Variants in COL4A3 observed in about 807,000 individuals in gnomAD.
COL4A3 encodes the protein collagen type IV alpha 3 chain.
Under a neutral mutation model 217.4 loss-of-function variants are expected in COL4A3, and 135 were observed. The ratio of observed to expected loss-of-function variants is 0.62; its 90% CI spans 0.54 to 0.72. The LOEUF (loss-of-function observed/expected upper bound fraction) is 0.72. Among genes scored for constraint, COL4A3 ranks in the 30% least tolerant of loss-of-function variants. The pLI is 0.00. For missense variants in COL4A3, 1,868 were observed against 2,119.9 expected (o/e 0.88, Z 2.33); for synonymous variants, 690 against 736.3 (o/e 0.94, Z 1.02).
intron 1 of COL4A3, among the ~76,000 whole-genome samples, chr2:227,232,369 T>C (rs140093849): frequency 6.6e-6 from 1 of 152,362 alleles, no homozygotes; most frequent in East Asian, 1.9e-4. Context: ...CTGATTTCCT[T>C]TCTTTTGAAT....
chr2:227,236,632 C>A (rs1434381237), intron 1 of COL4A3, among the ~76,000 whole-genome samples: 1 of 151,794 alleles, frequency 6.6e-6, no homozygotes, highest in Admixed American at 6.6e-5. Flanking sequence ...AATATGTAAC[C>A]ATATAATATG....
rs1304773530 is a variant in COL4A3, at chr2:227,195,685, GTGTGTGTGTGTA to G, written c.87+30887_87+30898del. 5.4e-3 allele frequency among the ~76,000 whole-genome samples: 817 copies of G among 151,030 alleles called. 7 individuals are homozygous for G. Among genetic ancestry groups the G allele is most frequent in the African/African-American group, 0.019 (760 of 40,940 alleles). On this transcript the variant is annotated intron_variant, in intron 1 of 51. Coordinates refer to ENST00000396578, the MANE Select transcript of COL4A3 (RefSeq NM_000091.5). ...TATATATATGTGTGTGTGTGTGTGT[GTGTGTGTGTGTA>G]TGTGTGTGTGTATGCTGTAGAACAG...
At chr2:227,259,996 T>C in intron 19 of COL4A3, 119 bp downstream of exon 19, 3 of 799,394 alleles carry the variant, frequency 3.8e-6, no homozygotes, top group East Asian at 4.9e-5. Context: ...AGAGATCTCT[T>C]CATTTTCATA....
In COL4A3 at chr2:227,298,568, A is replaced by G. The variant is rs960211883; in HGVS notation, c.3752-114A>G. 6 of 1,439,376 alleles carry G rather than the reference A, an allele frequency of 4.2e-6. No individual in the cohort carries two copies. The African/African-American group carries it at 7.0e-5, about 17-fold the overall frequency. 89.2% of individuals were successfully genotyped at this position (1,439,376 alleles called of 1,614,324 possible). A position where few individuals can be genotyped will look rare whatever the true frequency, so the allele number is the denominator to read the frequency against. On this transcript the variant is annotated intron_variant, in intron 42 of 51. Coordinates refer to ENST00000396578, the MANE Select transcript of COL4A3 (RefSeq NM_000091.5). Reference sequence around the variant, plus strand: ...CCCATCACATGCTCCAGGGGAAAGAATGTTTGTGGCAATGCTAAGTGAAGG... The same window carrying G: ...CCCATCACATGCTCCAGGGGAAAGAGTGTTTGTGGCAATGCTAAGTGAAGG...
intron 17 of COL4A3, among the ~76,000 whole-genome samples, chr2:227,256,722 C>T (rs997147168): frequency 6.6e-6 from 1 of 152,198 alleles, no homozygotes; most frequent in African/African-American, 2.4e-5. Flanking sequence ...CAAGCATAGG[C>T]TAGAGTTCAT....
At chr2:227,222,170 ATGAT>A (rs1559840012) in intron 1 of COL4A3, among the ~76,000 whole-genome samples, 2,433 of 68,442 alleles carry the variant, frequency 0.036, 32 homozygotes, top group Non-Finnish European at 0.044. Context: ...AATAATGATA[ATGAT>A]AATAAAAAGC....
In COL4A3 at chr2:227,253,306, G is replaced by T. The variant is rs2069900248; in HGVS notation, c.656G>T (p.Gly219Val). ...MGPRGPKGHM[G>V]ERVIGHKGER... is the part of the protein sequence containing the mutation. The stretch of plus-strand genomic sequence containing the variant: ...TGTGTTTTCTTACAGGGTCACATGG[G>T]TGAAAGAGTGATAGGACATAAAGGA... The change falls in exon 12 of 52, where the codon GGT (glycine) becomes GTT (valine). Residue 219 changes from glycine to valine, a missense_variant. Coordinates refer to ENST00000396578, the MANE Select transcript of COL4A3 (RefSeq NM_000091.5). The surrounding 1 kb of genome is among the most constrained non-coding windows in gnomAD (Gnocchi z 4.4). The T allele has an allele frequency of 2.5e-6, 4 of 1,613,622 alleles. No individual in the cohort carries two copies. The highest frequency in any genetic ancestry group is 2.5e-6 in the Non-Finnish European group (3 of 1,179,656).
intron 1 of COL4A3, among the ~76,000 whole-genome samples, chr2:227,225,000 C>T (rs1033768795): frequency 6.6e-6 from 1 of 152,206 alleles, no homozygotes; most frequent in African/African-American, 2.4e-5. Context: ...TGGCCTCAAC[C>T]TCCTGGGCTC....
intron 1 of COL4A3, among the ~76,000 whole-genome samples, chr2:227,175,236 C>A (rs1641761465): frequency 1.3e-5 from 2 of 152,112 alleles, no homozygotes; most frequent in African/African-American, 4.8e-5. Context: ...CTTTGGGAGG[C>A]CAAGGTGGGC....
intron 1 of COL4A3, among the ~76,000 whole-genome samples, chr2:227,195,028 A>T (rs1210441289): frequency 6.6e-6 from 1 of 152,120 alleles, no homozygotes; most frequent in African/African-American, 2.4e-5. Context: ...AAAAAAGAAA[A>T]TTTTCTATTA....
At chr2:227,275,239 G>A (rs1383842078) in intron 26 of COL4A3, among the ~76,000 whole-genome samples, 1 of 152,110 alleles carries the variant, frequency 6.6e-6, no homozygotes, top group Non-Finnish European at 1.5e-5. Context: ...GCAGTGCAGT[G>A]GCGTGATCTC....
At chr2:227,258,990 T>C (rs1289086121) in intron 18 of COL4A3, among the ~76,000 whole-genome samples, 5 of 151,366 alleles carry the variant, frequency 3.3e-5, no homozygotes, top group Non-Finnish European at 7.4e-5. Flanking sequence ...ATCTAGCATA[T>C]GAAAAAGCAA....
chr2:227,270,775 C>G lies in COL4A3; in HGVS notation c.1581C>G (p.Phe527Leu). ...TCATTTGTGTACTACCCTAGGGTTTCCCAGGTGCCCAGGGTGACCCAGGAC... is the reference window on the plus strand; with the variant it reads ...TCATTTGTGTACTACCCTAGGGTTTGCCAGGTGCCCAGGGTGACCCAGGAC... Reference protein sequence around the residue: ...GNTGLPGFPGFPGAQGDPGLK... With the variant: ...GNTGLPGFPGLPGAQGDPGLK... Residue 527 changes from phenylalanine (F) to leucine (L), a missense_variant, in exon 25 of 52, where the codon TTC becomes TTG. By Grantham distance (22) the Phe-to-Leu change is conservative. Coordinates refer to ENST00000396578, the MANE Select transcript of COL4A3 (RefSeq NM_000091.5). 1 of 1,613,970 alleles carries G rather than the reference C, an allele frequency of 6.2e-7. No homozygotes were observed. Among genetic ancestry groups the G allele is most frequent in the Non-Finnish European group, 8.5e-7 (1 of 1,179,942 alleles).
intron 7 of COL4A3, 105 bp from the exon 8 acceptor site, chr2:227,247,453 T>C: frequency 9.8e-7 from 1 of 1,020,222 alleles, no homozygotes; most frequent in Admixed American, 1.7e-5. Context: ...GTGGGAGGTG[T>C]ACAGTGGGGA....
chr2:227,225,709 CTTTTTTTT>C (rs71829862), intron 1 of COL4A3, among the ~76,000 whole-genome samples: 1 of 126,244 alleles, frequency 7.9e-6, no homozygotes, highest in Admixed American at 8.4e-5. Context: ...CTTTTTCTTT[CTTTTTTTT>C]TTTTTTTTTT....
intron 9 of COL4A3, among the ~76,000 whole-genome samples, chr2:227,249,505 G>C (rs925896634): frequency 2.6e-5 from 4 of 151,462 alleles, no homozygotes; most frequent in African/African-American, 9.7e-5. Context: ...CAAAGTGCTG[G>C]GATTACAGGC....
rs11677877 is a variant in COL4A3 at position 227,266,453 on chromosome 2, A to G, written c.1352A>G (p.His451Arg). The part of the protein sequence containing the change: ...IVFRKGPPGD[H>R]GLPGYLGSPG... ...TTTCGCAAGGGTCCACCTGGAGATC[A>G]CGGACTGCCAGGCTATCTAGGGTCT... Residue 451 changes from histidine to arginine, a missense_variant, in exon 22 of 52, where the codon CAC becomes CGC. By Grantham distance (29) the His-to-Arg change is conservative. Transcript: ENST00000396578. The G allele has an allele frequency of 0.08, 129,445 of 1,613,644 alleles. 5,881 individuals are homozygous for G. The highest frequency in any genetic ancestry group is 0.17 in the Admixed American group (10,475 of 59,982).
chr2:227,196,527 C>T (rs917466167), intron 1 of COL4A3, among the ~76,000 whole-genome samples: 1 of 152,026 alleles, frequency 6.6e-6, no homozygotes, highest in Non-Finnish European at 1.5e-5. Flanking sequence ...CCGTGATAGC[C>T]AGGATGGTCT....
At chr2:227,173,777 G>A (rs1258128609) in intron 1 of COL4A3, among the ~76,000 whole-genome samples, 2 of 152,018 alleles carry the variant, frequency 1.3e-5, no homozygotes, top group Non-Finnish European at 2.9e-5. Context: ...AATCACTATT[G>A]AAAACATTAA....
Sources: allele counts gnomAD v4.1 joint callset (sites outside exome capture counted in the v4.1 genomes callset), GRCh38; gene constraint gnomAD v4.1.1; non-coding constraint Gnocchi (gnomAD v3.1); transcripts MANE v1.5; gene names NCBI Gene and HGNC (gene_info 2026-07-23, HGNC 2026-07-21).